Variants in BICC1 observed in about 807,000 individuals in gnomAD.
The protein encoded by BICC1 is protein bicaudal C homolog 1.
A neutral mutation model predicts 111.0 loss-of-function variants in BICC1; 43 were observed. That is an observed-to-expected ratio of 0.39 (90% CI 0.30 to 0.50). BICC1 has a LOEUF of 0.50. BICC1 is among the 20% of genes least tolerant of loss of function. BICC1 has a pLI of 0.88. For missense variants in BICC1, 1,091 were observed against 1,203.2 expected, an observed-to-expected ratio of 0.91 and a Z score of 1.38; for synonymous variants, 467 against 434.4, an observed-to-expected ratio of 1.07 and a Z score of -0.93.
At chr10:58,563,512 A>G (rs1843669653) in intron 1 of BICC1, among the ~76,000 whole-genome samples, 1 of 152,094 alleles carries the variant, frequency 6.6e-6, no homozygotes. Context: ...CTTCTCTGTG[A>G]TACTATCCTG....
At chr10:58,683,639 G>A (rs1250475238) in intron 2 of BICC1, among the ~76,000 whole-genome samples, 2 of 152,148 alleles carry the variant, frequency 1.3e-5, no homozygotes, top group African/African-American at 4.8e-5. Flanking sequence ...TCTCTTTGAA[G>A]CAATTGTGAA....
At chr10:58,817,245 A>C (rs570312384) in intron 18 of BICC1, among the ~76,000 whole-genome samples, 1 of 152,212 alleles carries the variant, frequency 6.6e-6, no homozygotes, top group South Asian at 2.1e-4. Context: ...ATTCACATCC[A>C]ATCAATTTTA....
At chr10:58,648,771 C>A in intron 2 of BICC1, 1 of 507,610 alleles carries the variant, frequency 2.0e-6, no homozygotes, top group Non-Finnish European at 2.5e-6. Flanking sequence ...CTCCTGATCA[C>A]TCTGCTTTTC....
rs1842671074 is a variant in BICC1, at chr10:58,531,092, T to A, written c.190+17759T>A. ...AAAAGTCCAGTGACTGGTTTCTCCC[T>A]TGGGAGAAAAAGAGTAAAATGGAAT... On this transcript the variant is annotated intron_variant, in intron 1 of 20. Transcript: ENST00000373886. 1.3e-5 allele frequency among the ~76,000 whole-genome samples: 2 copies of A among 151,834 alleles called. 1 individual carries two copies. Among genetic ancestry groups the A allele is most frequent in the Admixed American group, 1.3e-4 (2 of 15,234 alleles).
intron 2 of BICC1, among the ~76,000 whole-genome samples, chr10:58,629,826 A>T (rs575580694): frequency 6.6e-6 from 1 of 152,128 alleles, no homozygotes; most frequent in South Asian, 2.1e-4. Context: ...TATCTTGGCA[A>T]AGTATGTTGC....
At chr10:58,646,731 T>G (rs1017127495) in intron 2 of BICC1, among the ~76,000 whole-genome samples, 18 of 152,156 alleles carry the variant, frequency 1.2e-4, no homozygotes, top group Non-Finnish European at 2.1e-4. Flanking sequence ...GTGAAAAATG[T>G]TAACAAGTAG....
chr10:58,631,237 TTATTGA>T (rs1215792794), intron 2 of BICC1, among the ~76,000 whole-genome samples: 1 of 152,232 alleles, frequency 6.6e-6, no homozygotes, highest in Non-Finnish European at 1.5e-5. Context: ...TCTATTTTTC[TTATTGA>T]TAGTTACGGA....
At position 58,583,858 on chromosome 10, in the gene BICC1, A is replaced by G. The variant is rs564171653; in HGVS notation, c.191-36997A>G. 4.4e-4 allele frequency among the ~76,000 whole-genome samples: 67 copies of G among 152,252 alleles called. 1 individual carries two copies. In the South Asian group the frequency reaches 8.5e-3, roughly 19 times the overall value. On this transcript the variant is annotated intron_variant, in intron 1 of 20. Transcript: ENST00000373886. ...TTAAGGAATCTCCACACTGTTTTCT[A>G]CAGTGGTAGTACTAGTTTATACTCC...
chr10:58,764,661 G>A (rs1168285969), intron 3 of BICC1, among the ~76,000 whole-genome samples: 3 of 118,920 alleles, frequency 2.5e-5, no homozygotes, highest in African/African-American at 9.6e-5. Flanking sequence ...TTCTAGGCTT[G>A]ACATTTTCCA....
At chr10:58,521,767 T>TG in intron 1 of BICC1, among the ~76,000 whole-genome samples, 1 of 51,908 alleles carries the variant, frequency 1.9e-5, no homozygotes, top group Non-Finnish European at 3.3e-5. Context: ...GGGAATGTGG[T>TG]GTTTTTTTTT....
chr10:58,535,739 T>G (rs1240402391), intron 1 of BICC1, among the ~76,000 whole-genome samples: 1 of 151,660 alleles, frequency 6.6e-6, no homozygotes, highest in Non-Finnish European at 1.5e-5. Flanking sequence ...ATACTAACAT[T>G]GAATGGAGAT....
At chr10:58,561,441 A>G (rs1843601223) in intron 1 of BICC1, among the ~76,000 whole-genome samples, 1 of 151,942 alleles carries the variant, frequency 6.6e-6, no homozygotes, top group Non-Finnish European at 1.5e-5. Flanking sequence ...TGTTCTTTAT[A>G]GGTGAAATGA....
At chr10:58,539,892 T>C (rs1564477926) in intron 1 of BICC1, among the ~76,000 whole-genome samples, 2 of 151,820 alleles carry the variant, frequency 1.3e-5, no homozygotes, top group Non-Finnish European at 2.9e-5. Context: ...GCCACAAAAC[T>C]AGTATTAAGA....
intron 1 of BICC1, among the ~76,000 whole-genome samples, chr10:58,584,086 A>G (rs1489057396): frequency 6.6e-6 from 1 of 151,880 alleles, no homozygotes; most frequent in Non-Finnish European, 1.5e-5. Flanking sequence ...ACACACACAC[A>G]CACACACACA....
chr10:58,799,386 TA>T (rs1843466157), intron 12 of BICC1, 134 bp downstream of exon 12: 1 of 569,886 alleles, frequency 1.8e-6, no homozygotes, highest in Non-Finnish European at 2.7e-6. Context: ...CTGGTAAAGT[TA>T]AAACATGTTT....
intron 10 of BICC1, among the ~76,000 whole-genome samples, chr10:58,797,850 G>A (rs557895863): frequency 6.6e-6 from 1 of 152,060 alleles, no homozygotes; most frequent in African/African-American, 2.4e-5. Context: ...TTTTTTCTGA[G>A]GAAATTTTCA....
At chr10:58,717,700 C>A (rs557915100) in intron 3 of BICC1, among the ~76,000 whole-genome samples, 1 of 152,266 alleles carries the variant, frequency 6.6e-6, no homozygotes, top group South Asian at 2.1e-4. Flanking sequence ...CAATGAATTT[C>A]AAATTTAGTT....
intron 3 of BICC1, among the ~76,000 whole-genome samples, chr10:58,721,162 C>T (rs1015504176): frequency 6.6e-6 from 1 of 152,188 alleles, no homozygotes; most frequent in Admixed American, 6.5e-5. Flanking sequence ...TTCTGAAGCA[C>T]ATTATTTATG....
intron 12 of BICC1, among the ~76,000 whole-genome samples, 166 bp downstream of exon 12, chr10:58,799,418 TTTTA>T (rs1843466715): frequency 1.3e-5 from 2 of 152,148 alleles, no homozygotes; most frequent in South Asian, 4.1e-4. Context: ...CTAAAATGAA[TTTTA>T]TTTATTTTTT....
Sources: gnomAD v4.1 joint callset for allele counts (sites outside exome capture counted in the v4.1 genomes callset) on GRCh38, gnomAD v4.1.1 for gene constraint, MANE v1.5 for transcripts, NCBI Gene and HGNC (gene_info 2026-07-23, HGNC 2026-07-21) for gene names.